SLCO3A1: variants seen among roughly 807,000 people sequenced by gnomAD.
The protein encoded by SLCO3A1 is PGE1 transporter.
Under a neutral mutation model 63.1 loss-of-function variants are expected in SLCO3A1, and 27 were observed. That is an observed-to-expected ratio of 0.43 (90% CI 0.32 to 0.59). The LOEUF is 0.59. SLCO3A1 is among the 20% of genes least tolerant of loss of function. SLCO3A1 has a pLI of 0.09. For synonymous variants in SLCO3A1, 473 were observed against 409.9 expected, an observed-to-expected ratio of 1.15 and a Z score of -1.86; for missense variants, 773 against 945.8, an observed-to-expected ratio of 0.82 and a Z score of 2.40.
intron 2 of SLCO3A1, among the ~76,000 whole-genome samples, chr15:91,927,876 T>G (rs1229174814): frequency 6.6e-6 from 1 of 152,242 alleles, no homozygotes; most frequent in African/African-American, 2.4e-5. Flanking sequence ...TTTTGAAACC[T>G]GGTGGTGTCT....
At chr15:91,876,395 C>T (rs1376626624) in intron 1 of SLCO3A1, among the ~76,000 whole-genome samples, 3 of 152,210 alleles carry the variant, frequency 2.0e-5, no homozygotes, top group Non-Finnish European at 2.9e-5. Context: ...AGGGCACCAA[C>T]GCAGACTGCC....
chr15:92,140,485 C>G (rs2048116243), intron 7 of SLCO3A1, among the ~76,000 whole-genome samples: 1 of 151,690 alleles, frequency 6.6e-6, no homozygotes, highest in South Asian at 2.1e-4. Flanking sequence ...CTGTAGATGT[C>G]TATTAGGTCC....
At chr15:91,922,891 C>T (rs1227639979) in intron 2 of SLCO3A1, among the ~76,000 whole-genome samples, 1 of 152,224 alleles carries the variant, frequency 6.6e-6, no homozygotes, top group Non-Finnish European at 1.5e-5. Context: ...TGCTAGGAAA[C>T]AGCCTGTGGC....
At chr15:91,890,976 G>T (rs932311071) in intron 1 of SLCO3A1, among the ~76,000 whole-genome samples, 1 of 152,166 alleles carries the variant, frequency 6.6e-6, no homozygotes, top group Non-Finnish European at 1.5e-5. Context: ...TGTGCATTCT[G>T]TCAGAAAATA....
At chr15:92,080,195 C>G (rs1036989970) in intron 2 of SLCO3A1, among the ~76,000 whole-genome samples, 1 of 152,200 alleles carries the variant, frequency 6.6e-6, no homozygotes, top group Non-Finnish European at 1.5e-5. Flanking sequence ...TATCGTTATA[C>G]AAATTATTCT....
chr15:91,981,329 G>T (rs1597184432), intron 2 of SLCO3A1, among the ~76,000 whole-genome samples: 1 of 152,124 alleles, frequency 6.6e-6, no homozygotes, highest in Non-Finnish European at 1.5e-5. Context: ...GGACATCATC[G>T]CTGGGCAAAG....
At chr15:91,932,864 G>A (rs1477738351) in intron 2 of SLCO3A1, among the ~76,000 whole-genome samples, 1 of 152,140 alleles carries the variant, frequency 6.6e-6, no homozygotes, top group Non-Finnish European at 1.5e-5. Context: ...ATCTTTAATT[G>A]GTGACAATGA....
intron 1 of SLCO3A1, among the ~76,000 whole-genome samples, chr15:91,891,180 A>G (rs1388929425): frequency 6.6e-6 from 1 of 150,766 alleles, no homozygotes; most frequent in Non-Finnish European, 1.5e-5. Flanking sequence ...AACCATTTTT[A>G]GGTAAGTGTG....
chr15:92,125,390 G>C (rs1306191238), intron 5 of SLCO3A1, among the ~76,000 whole-genome samples: 2 of 152,144 alleles, frequency 1.3e-5, no homozygotes, highest in Non-Finnish European at 2.9e-5. Flanking sequence ...AGAAATAACA[G>C]GTTTATGGTC....
Position 91,942,713 on chromosome 15 carries a change from C to T in SLCO3A1, c.646+26255C>T, listed in dbSNP as rs548528507. 3.9e-5 allele frequency among the ~76,000 whole-genome samples: 6 copies of T among 152,258 alleles called. No homozygotes were observed. The highest frequency in any genetic ancestry group is 9.6e-5 in the African/African-American group (4 of 41,550). On this transcript the variant is annotated intron_variant, in intron 2 of 9. Coordinates refer to ENST00000318445, the MANE Select transcript of SLCO3A1 (RefSeq NM_013272.4). The surrounding 1 kb of genome is among the most constrained non-coding windows in gnomAD (Gnocchi z 4.1). ...ATTCCCAAGAAGCTGGAATTACAGG[C>T]GTGCACCACCACGCCCGGCTAATTT...
At chr15:92,023,514 G>T (rs887861083) in intron 2 of SLCO3A1, among the ~76,000 whole-genome samples, 10 of 151,904 alleles carry the variant, frequency 6.6e-5, no homozygotes, top group African/African-American at 2.2e-4. Flanking sequence ...CTGTCACCAG[G>T]CTGGAGTGCA....
chr15:91,970,461 C>A (rs1207470209), intron 2 of SLCO3A1, among the ~76,000 whole-genome samples: 4 of 152,156 alleles, frequency 2.6e-5, no homozygotes, highest in Non-Finnish European at 5.9e-5. Flanking sequence ...CCTCTCCTTT[C>A]TCTGTAGTCA....
chr15:91,877,227 A>G (rs2151339701), intron 1 of SLCO3A1, among the ~76,000 whole-genome samples: 1 of 152,324 alleles, frequency 6.6e-6, no homozygotes, highest in East Asian at 1.9e-4. Context: ...CTTTTAATTA[A>G]GTTGGTGTGA....
At chr15:91,921,821 C>G (rs915920943) in intron 2 of SLCO3A1, among the ~76,000 whole-genome samples, 17 of 152,104 alleles carry the variant, frequency 1.1e-4, no homozygotes, top group African/African-American at 3.9e-4. Context: ...CCTCTGCCTC[C>G]TGGGTTCAAG....
At chr15:92,169,660 C>T (rs1219175039), downstream of SLCO3A1, among the ~76,000 whole-genome samples, 1 of 152,244 alleles carries the variant, frequency 6.6e-6, no homozygotes, top group Non-Finnish European at 1.5e-5. Flanking sequence ...GTCATCGGCT[C>T]CCCCGGAAAG....
intron 2 of SLCO3A1, among the ~76,000 whole-genome samples, chr15:91,943,666 T>G (rs1435197398): frequency 1.3e-5 from 2 of 152,208 alleles, no homozygotes; most frequent in Non-Finnish European, 1.5e-5. Flanking sequence ...CCATACTGTT[T>G]TTCATACCCA....
intron 2 of SLCO3A1, among the ~76,000 whole-genome samples, chr15:91,961,758 A>G (rs114603678): frequency 0.062 from 9,406 of 152,256 alleles, 734 homozygotes; most frequent in African/African-American, 0.18. Flanking sequence ...ACATATTGCC[A>G]TCTAGCATAA....
intron 2 of SLCO3A1, among the ~76,000 whole-genome samples, chr15:91,956,597 A>G (rs761083059): frequency 3.9e-5 from 6 of 151,954 alleles, no homozygotes; most frequent in Admixed American, 6.6e-5. Flanking sequence ...TGGCTTCTGT[A>G]TCATCTTAGA....
At chr15:91,866,425 TG>T (rs1483700755) in intron 1 of SLCO3A1, among the ~76,000 whole-genome samples, 6 of 152,132 alleles carry the variant, frequency 3.9e-5, no homozygotes, top group African/African-American at 1.4e-4. Context: ...TTTATCACTG[TG>T]CGCTGTGCCA....
Sources: allele counts gnomAD v4.1 joint callset (sites outside exome capture counted in the v4.1 genomes callset), GRCh38; gene constraint gnomAD v4.1.1; non-coding constraint Gnocchi (gnomAD v3.1); transcripts MANE v1.5; gene names NCBI Gene and HGNC (gene_info 2026-07-23, HGNC 2026-07-21).